Variants in PLPPR4 observed in about 807,000 individuals in gnomAD.
The protein encoded by PLPPR4 is phospholipid phosphatase-related protein type 4.
Under a neutral mutation model 56.6 loss-of-function variants are expected in PLPPR4, and 24 were observed. That is an observed-to-expected ratio of 0.42 (90% CI 0.31 to 0.60). The LOEUF (loss-of-function observed/expected upper bound fraction) is 0.60, where lower values mean the gene tolerates loss of function less well. Among genes scored for constraint, PLPPR4 ranks in the 20% least tolerant of loss-of-function variants. The pLI is 0.13. For synonymous variants in PLPPR4, 326 were observed against 328.1 expected (o/e 0.99, Z 0.07); for missense variants, 654 against 885.8 (o/e 0.74, Z 3.32).
chr1:99,282,103 T>G (rs779228081), intron 1 of PLPPR4, among the ~76,000 whole-genome samples: 6 of 152,176 alleles, frequency 3.9e-5, no homozygotes, highest in African/African-American at 1.4e-4. Context: ...CCTCTTACTT[T>G]AGTAACTAAG....
At chr1:99,263,622 T>A (rs917964649), upstream of PLPPR4, among the ~76,000 whole-genome samples, 3 of 152,218 alleles carry the variant, frequency 2.0e-5, no homozygotes, top group Non-Finnish European at 2.9e-5. Flanking sequence ...ATCAACTTGA[T>A]ACTTCTGGTT....
intron 1 of PLPPR4, among the ~76,000 whole-genome samples, chr1:99,278,185 A>G (rs993952512): frequency 7.9e-5 from 12 of 152,164 alleles, no homozygotes; most frequent in African/African-American, 2.9e-4. Flanking sequence ...TCTGTACAAT[A>G]ATCACAAACA....
intron 1 of PLPPR4, among the ~76,000 whole-genome samples, chr1:99,266,804 G>A (rs1311654369): frequency 6.6e-6 from 1 of 152,218 alleles, no homozygotes; most frequent in Non-Finnish European, 1.5e-5. Context: ...CAGAAAATGG[G>A]AGACTGCATT....
intron 1 of PLPPR4, among the ~76,000 whole-genome samples, chr1:99,277,122 T>C (rs566126828): frequency 6.6e-6 from 1 of 152,164 alleles, no homozygotes; most frequent in Non-Finnish European, 1.5e-5. Context: ...TGAACTTTGC[T>C]CTTAACCAGT....
At chr1:99,296,076 G>C (rs1283775656) in intron 2 of PLPPR4, among the ~76,000 whole-genome samples, 1 of 152,082 alleles carries the variant, frequency 6.6e-6, no homozygotes, top group Non-Finnish European at 1.5e-5. Context: ...TCTTAAGAGA[G>C]TCCTCTTGAT....
intron 1 of PLPPR4, among the ~76,000 whole-genome samples, chr1:99,277,802 G>A (rs936457180): frequency 1.5e-4 from 23 of 151,662 alleles, no homozygotes; most frequent in African/African-American, 4.1e-4. Context: ...GCTTATTTTG[G>A]TGCAAAAAAT....
chr1:99,301,821 G>A lies in PLPPR4; in HGVS notation c.746G>A (p.Arg249Gln). Residue 249 changes from arginine to glutamine, a missense_variant, in exon 6 of 7, where the codon CGG (arginine) becomes CAG (glutamine). Physicochemically the swap from Arg to Gln is conservative, Grantham distance 43. Transcript: ENST00000370185. ...TGTGGAATAATCTGCGGGCTAACAC[G>A]GATAACTCAGTATAAGAACCACCCA... is the stretch of plus-strand genomic sequence containing the variant. ...IICGIICGLT[R>Q]ITQYKNHPVD... 5 of 1,612,432 alleles carry A rather than the reference G, an allele frequency of 3.1e-6. No homozygotes were observed. Among genetic ancestry groups the A allele is most frequent in the East Asian group, 4.5e-5 (2 of 44,836 alleles).
chr1:99,289,931 T>C (rs1262314125), intron 2 of PLPPR4, among the ~76,000 whole-genome samples: 2 of 152,014 alleles, frequency 1.3e-5, no homozygotes, highest in East Asian at 1.9e-4. Flanking sequence ...AGTATTAAAT[T>C]CTGGCCAGAG....
rs181321000 is a variant in PLPPR4, at chr1:99,292,898, C to A, written c.265-3840C>A. On this transcript the variant is annotated intron_variant, in intron 2 of 6. Transcript: ENST00000370185. ...CATAATTCTATCTCGAATCTTCCTA[C>A]ATATACAGCTATGCTAACTCCTTTC... Among the ~76,000 whole-genome samples the A allele has an allele frequency of 8.5e-5, 13 of 152,282 alleles. No homozygotes were observed. In the South Asian group the frequency reaches 2.5e-3, roughly 29 times the overall value.
intron 2 of PLPPR4, among the ~76,000 whole-genome samples, chr1:99,289,984 G>A (rs1243064991): frequency 2.0e-5 from 3 of 152,120 alleles, no homozygotes; most frequent in South Asian, 4.1e-4. Context: ...CAAATAGGAA[G>A]AGAAGTAAGA....
chr1:99,285,785 C>G lies in PLPPR4; in HGVS notation c.79-2180C>G, dbSNP rs532745722. ...ATATTGTCTTTATCAAAAACATTTC[C>G]TGTTTGCTTAAATAAATATTATATC... On this transcript the variant is annotated intron_variant, in intron 1 of 6. Coordinates refer to ENST00000370185, the MANE Select transcript of PLPPR4 (RefSeq NM_014839.5). 7.4e-4 allele frequency among the ~76,000 whole-genome samples: 113 copies of G among 152,236 alleles called. 1 individual carries two copies. The highest frequency in any genetic ancestry group is 3.4e-3 in the Middle Eastern group (1 of 294).
At chr1:99,269,211 T>A (rs1469727091) in intron 1 of PLPPR4, among the ~76,000 whole-genome samples, 1 of 152,224 alleles carries the variant, frequency 6.6e-6, no homozygotes, top group East Asian at 1.9e-4. Flanking sequence ...TTGCTGAGAA[T>A]GATGGTTTCC....
chr1:99,282,255 A>G (rs563124190), intron 1 of PLPPR4, among the ~76,000 whole-genome samples: 1 of 152,270 alleles, frequency 6.6e-6, no homozygotes, highest in South Asian at 2.1e-4. Flanking sequence ...TATCTTCTTC[A>G]TTGATCAAGC....
At chr1:99,305,196 T>C (rs1659987659) in intron 6 of PLPPR4, among the ~76,000 whole-genome samples, 1 of 152,182 alleles carries the variant, frequency 6.6e-6, no homozygotes, top group African/African-American at 2.4e-5. Context: ...GTCTCCGACC[T>C]TCTTTCAAAA....
intron 1 of PLPPR4, among the ~76,000 whole-genome samples, chr1:99,270,804 G>A (rs1659038598): frequency 6.6e-6 from 1 of 152,126 alleles, no homozygotes; most frequent in East Asian, 1.9e-4. Context: ...AGATTGTATA[G>A]AAGTAGAGTC....
At position 99,308,403 on chromosome 1, in the gene PLPPR4, G is replaced by A. The variant is rs546456898; in HGVS notation, c.*1393G>A. The A allele has an allele frequency of 1.3e-5, 2 of 152,344 alleles. No homozygotes were observed. Among genetic ancestry groups the A allele is most frequent in the South Asian group, 4.1e-4 (2 of 4,828 alleles). The allele number at this position is 152,344 out of a possible 1,614,324, so 9.4% of individuals were successfully genotyped here. A position where few individuals can be genotyped will look rare whatever the true frequency, so the allele number is the denominator to read the frequency against. On this transcript the variant is annotated 3_prime_UTR_variant, in exon 7 of 7. Coordinates refer to ENST00000370185, the MANE Select transcript of PLPPR4 (RefSeq NM_014839.5). ...AATCAAGCCTTGAGCCTAAATCAAA[G>A]CAAACCAATACCATTGATAAGAAGA...
intron 1 of PLPPR4, among the ~76,000 whole-genome samples, chr1:99,269,502 C>A (rs1340816804): frequency 6.6e-6 from 1 of 152,228 alleles, no homozygotes; most frequent in Non-Finnish European, 1.5e-5. Context: ...CAAAGAATTA[C>A]AGTGGTCCCT....
Position 99,306,414 on chromosome 1 carries a change from G to A in PLPPR4, c.1552G>A (p.Ala518Thr). 1 of 1,614,158 alleles carries A rather than the reference G, an allele frequency of 6.2e-7. No individual in the cohort carries two copies. ...KWLKAAEKTV[A>T]CNRSNSQPRI... ...GTTAAAAGCTGCTGAAAAGACTGTGGCCTGTAACAGAAGCAACAGCCAGCC... is the reference window on the plus strand; with the variant it reads ...GTTAAAAGCTGCTGAAAAGACTGTGACCTGTAACAGAAGCAACAGCCAGCC... Residue 518 changes from alanine to threonine, a missense_variant, in exon 7 of 7, where the codon GCC becomes ACC. Physicochemically the swap from Ala to Thr is moderately conservative, Grantham distance 58. This residue lies in a region of PLPPR4 where 468 missense variants were observed against 554.3 expected (regional missense o/e 0.84). Coordinates refer to ENST00000370185, the MANE Select transcript of PLPPR4 (RefSeq NM_014839.5). The surrounding 1 kb of genome is among the most constrained non-coding windows in gnomAD (Gnocchi z 4.0).
Sources: gnomAD v4.1 joint callset for allele counts (sites outside exome capture counted in the v4.1 genomes callset) on GRCh38, gnomAD v4.1.1 for gene constraint, gnomAD v4.1.1 regional missense constraint, Gnocchi (gnomAD v3.1) non-coding constraint, MANE v1.5 for transcripts, NCBI Gene and HGNC (gene_info 2026-07-23, HGNC 2026-07-21) for gene names.